The following MAPK14 variants were observed in gnomAD, a reference collection of about 807,000 sequenced individuals.
MAPK14 encodes the protein mitogen-activated protein kinase 14.
MAPK14 carries 16 observed loss-of-function variants against 49.6 expected under a neutral mutation model. The ratio of observed to expected loss-of-function variants is 0.32; its 90% CI spans 0.22 to 0.49. The LOEUF (loss-of-function observed/expected upper bound fraction) is 0.49, where lower values mean the gene tolerates loss of function less well. Ranked by LOEUF, MAPK14 falls within the 20% of genes least tolerant of loss-of-function variation. MAPK14 has a pLI of 0.99. For synonymous variants in MAPK14, 142 were observed against 158.0 expected, an observed-to-expected ratio of 0.90 and a Z score of 0.76; for missense variants, 200 against 441.2, an observed-to-expected ratio of 0.45 and a Z score of 4.90.
At chr6:36,064,966 C>T (rs1327096383) in intron 3 of MAPK14, among the ~76,000 whole-genome samples, 1 of 152,178 alleles carries the variant, frequency 6.6e-6, no homozygotes, top group African/African-American at 2.4e-5. Flanking sequence ...GCCTCTTGTT[C>T]TTTGAGTACA....
At chr6:36,115,694 G>A (rs529028759), downstream of MAPK14, among the ~76,000 whole-genome samples, 33 of 152,296 alleles carry the variant, frequency 2.2e-4, no homozygotes, top group Admixed American at 3.9e-4. Context: ...TTGGGAGGCT[G>A]AGGCAAGTGG....
At chr6:36,069,984 A>G (rs566454422) in intron 3 of MAPK14, among the ~76,000 whole-genome samples, 1 of 152,268 alleles carries the variant, frequency 6.6e-6, no homozygotes, top group South Asian at 2.1e-4. Flanking sequence ...CAAAAAATAT[A>G]ATTATGTGCA....
chr6:36,120,213 G>A, the MAPK14 span, among the ~76,000 whole-genome samples: 2 of 152,198 alleles, frequency 1.3e-5, no homozygotes, highest in Non-Finnish European at 2.9e-5. Flanking sequence ...AACCAATGTA[G>A]AGCACTTAGA....
intron 2 of MAPK14, among the ~76,000 whole-genome samples, chr6:36,056,011 A>G (rs1317860466): frequency 6.6e-6 from 1 of 152,182 alleles, no homozygotes; most frequent in Non-Finnish European, 1.5e-5. Flanking sequence ...TGTTAAACAC[A>G]TTAAATATTG....
At chr6:36,062,029 G>A (rs1354275514) in intron 3 of MAPK14, among the ~76,000 whole-genome samples, 3 of 152,250 alleles carry the variant, frequency 2.0e-5, no homozygotes, top group East Asian at 3.9e-4. Flanking sequence ...CCAGGTTGGA[G>A]TGCAGTGGCA....
intron 2 of MAPK14, among the ~76,000 whole-genome samples, chr6:36,053,945 TACAG>T: frequency 7.1e-6 from 1 of 141,398 alleles, no homozygotes; most frequent in South Asian, 2.2e-4. Flanking sequence ...ATCCTATTTC[TACAG>T]ACAACTTCTA....
the MAPK14 span, among the ~76,000 whole-genome samples, chr6:36,122,298 C>A: frequency 6.6e-6 from 1 of 152,260 alleles, no homozygotes; most frequent in Non-Finnish European, 1.5e-5. Context: ...ACAGCTTCTC[C>A]TGCCTGAGGC....
chr6:36,079,269 G>T (rs1472584136), intron 8 of MAPK14, among the ~76,000 whole-genome samples: 1 of 152,036 alleles, frequency 6.6e-6, no homozygotes, highest in Non-Finnish European at 1.5e-5. Context: ...TCTGTTCTTC[G>T]CTGTTCTTCT....
At chr6:36,029,565 T>G (rs1192054833) in intron 1 of MAPK14, among the ~76,000 whole-genome samples, 1 of 152,148 alleles carries the variant, frequency 6.6e-6, no homozygotes, top group Non-Finnish European at 1.5e-5. Context: ...TGTAAAATCG[T>G]TTTTTTGTTT....
At chr6:36,096,996 C>G (rs1306842899) in intron 9 of MAPK14, 1 of 152,240 alleles carries the variant, frequency 6.6e-6, no homozygotes, top group East Asian at 1.9e-4. Context: ...TTCCTGGATT[C>G]TCCTCCCAAC....
chr6:36,086,859 A>G (rs1356277706), intron 8 of MAPK14, among the ~76,000 whole-genome samples: 1 of 152,254 alleles, frequency 6.6e-6, no homozygotes, highest in Non-Finnish European at 1.5e-5. Flanking sequence ...CTTAAGGCCA[A>G]TATCCCTGAT....
At chr6:36,085,131 G>A (rs909017369) in intron 8 of MAPK14, among the ~76,000 whole-genome samples, 5 of 152,128 alleles carry the variant, frequency 3.3e-5, no homozygotes, top group East Asian at 1.9e-4. Flanking sequence ...GAGGGAATTC[G>A]TCACCACCAG....
chr6:36,035,627 C>T (rs188748448), intron 1 of MAPK14, among the ~76,000 whole-genome samples: 5 of 151,882 alleles, frequency 3.3e-5, no homozygotes, highest in African/African-American at 7.3e-5. Flanking sequence ...ACCAAACAGC[C>T]AATTTGTGAA....
At chr6:36,071,904 T>C (rs187438339) in intron 3 of MAPK14, among the ~76,000 whole-genome samples, 1 of 152,276 alleles carries the variant, frequency 6.6e-6, no homozygotes, top group Admixed American at 6.5e-5. Flanking sequence ...GGGGTTTCCC[T>C]GTGTTACCCA....
At chr6:36,036,289 T>C (rs114997757) in intron 1 of MAPK14, among the ~76,000 whole-genome samples, 13,106 of 148,398 alleles carry the variant, frequency 0.088, 700 homozygotes, top group Middle Eastern at 0.12. Context: ...AGATGAGAAA[T>C]TGCTTCTCAG....
intron 3 of MAPK14, among the ~76,000 whole-genome samples, chr6:36,061,623 G>A (rs1162832940): frequency 2.0e-5 from 3 of 152,194 alleles, no homozygotes; most frequent in African/African-American, 7.2e-5. Context: ...ACTACTTACT[G>A]AATGCAGAAC....
intron 9 of MAPK14, chr6:36,100,289 A>G: frequency 6.4e-7 from 1 of 1,563,730 alleles, no homozygotes; most frequent in Non-Finnish European, 8.8e-7. Context: ...GAGACTGTAC[A>G]GGGATGTCGC....
the MAPK14 span, among the ~76,000 whole-genome samples, chr6:36,120,674 C>T: frequency 2.0e-5 from 3 of 152,212 alleles, no homozygotes; most frequent in Non-Finnish European, 4.4e-5. Flanking sequence ...CATTTTGACA[C>T]TTTGGCAGCA....
chr6:36,067,411 C>G (rs1237924605), intron 3 of MAPK14, among the ~76,000 whole-genome samples: 1 of 152,102 alleles, frequency 6.6e-6, no homozygotes, highest in Non-Finnish European at 1.5e-5. Context: ...TTTCCCACTG[C>G]TGCATCCCCA....
Sources: allele counts gnomAD v4.1 joint callset (sites outside exome capture counted in the v4.1 genomes callset), GRCh38; gene constraint gnomAD v4.1.1; transcripts MANE v1.5; gene names NCBI Gene and HGNC (gene_info 2026-07-23, HGNC 2026-07-21).